Variants in LDB2 observed in about 807,000 individuals in gnomAD.
LDB2 encodes LIM domain binding 2.
A neutral mutation model predicts 44.3 loss-of-function variants in LDB2; 12 were observed. The ratio of observed to expected loss-of-function variants is 0.27; its 90% CI spans 0.17 to 0.44. LDB2 has a LOEUF of 0.44. Among genes scored for constraint, LDB2 ranks in the 20% least tolerant of loss-of-function variants. LDB2 has a pLI of 1.00. For synonymous variants in LDB2, 164 were observed against 174.8 expected, an observed-to-expected ratio of 0.94 and a Z score of 0.49; for missense variants, 344 against 473.5, an observed-to-expected ratio of 0.73 and a Z score of 2.54.
intron 5 of LDB2, among the ~76,000 whole-genome samples, chr4:16,540,519 G>T (rs138534552): frequency 6.6e-6 from 1 of 151,886 alleles, no homozygotes; most frequent in Admixed American, 6.6e-5. Flanking sequence ...CCCAACAACT[G>T]TCCCTTTCCA....
At chr4:16,689,303 C>A (rs561222654) in intron 2 of LDB2, among the ~76,000 whole-genome samples, 2 of 152,314 alleles carry the variant, frequency 1.3e-5, no homozygotes, top group South Asian at 4.2e-4. Flanking sequence ...CAGTTCCTAC[C>A]CTTGCCTAGT....
At chr4:16,627,776 T>C (rs1025526117) in intron 2 of LDB2, among the ~76,000 whole-genome samples, 1 of 152,166 alleles carries the variant, frequency 6.6e-6, no homozygotes. Context: ...AAATAGAACA[T>C]GAGAGAAGCG....
intron 1 of LDB2, among the ~76,000 whole-genome samples, chr4:16,811,881 T>C (rs945603981): frequency 6.6e-6 from 1 of 152,236 alleles, no homozygotes. Flanking sequence ...AGGACTATTA[T>C]ATTGTTCTGG....
intron 2 of LDB2, among the ~76,000 whole-genome samples, chr4:16,609,393 G>A (rs1316921869): frequency 6.6e-6 from 1 of 151,144 alleles, no homozygotes; most frequent in African/African-American, 2.4e-5. Flanking sequence ...TGCTGTCTAA[G>A]CCATTTGAGC....
chr4:16,573,886 C>T (rs1187109474), intron 5 of LDB2, among the ~76,000 whole-genome samples: 3 of 152,106 alleles, frequency 2.0e-5, no homozygotes, highest in African/African-American at 7.2e-5. Context: ...AATTGTAATG[C>T]CTTCTCCTGT....
intron 1 of LDB2, among the ~76,000 whole-genome samples, chr4:16,887,949 C>T (rs1311954248): frequency 1.3e-5 from 2 of 152,080 alleles, no homozygotes; most frequent in Non-Finnish European, 2.9e-5. Context: ...GCGTTACTAC[C>T]CATCCACCTG....
intron 1 of LDB2, among the ~76,000 whole-genome samples, chr4:16,884,266 C>T (rs568599453): frequency 2.6e-5 from 4 of 152,290 alleles, no homozygotes; most frequent in African/African-American, 9.6e-5. Flanking sequence ...TCATTAAATT[C>T]CCTAAAACAA....
intron 2 of LDB2, among the ~76,000 whole-genome samples, chr4:16,713,891 T>C (rs780644576): frequency 6.6e-6 from 1 of 152,220 alleles, no homozygotes; most frequent in Non-Finnish European, 1.5e-5. Context: ...GATTCCAGCT[T>C]TGCCATTGCA....
chr4:16,659,279 T>C (rs895666689), intron 2 of LDB2, among the ~76,000 whole-genome samples: 6 of 152,176 alleles, frequency 3.9e-5, no homozygotes, highest in Non-Finnish European at 7.3e-5. Flanking sequence ...TCCAGACATG[T>C]GTTTTTGCTT....
chr4:16,611,476 A>C (rs776955488), intron 2 of LDB2, among the ~76,000 whole-genome samples: 3 of 151,948 alleles, frequency 2.0e-5, no homozygotes, highest in Non-Finnish European at 4.4e-5. Flanking sequence ...CCCATCTTAC[A>C]TGCAAAGAAA....
intron 2 of LDB2, among the ~76,000 whole-genome samples, chr4:16,714,731 C>T (rs1444710677): frequency 1.3e-5 from 2 of 152,104 alleles, no homozygotes; most frequent in African/African-American, 4.8e-5. Flanking sequence ...AGCATCTGTT[C>T]CATACCGTTC....
rs1219775292 is a variant in LDB2, at chr4:16,749,572, AT to A, written c.235+9585del. On this transcript the variant is annotated intron_variant, in intron 2 of 7. Transcript: ENST00000304523. ...AGACTCCATCTCAAAAAAAAAAAAA[AT>A]AAAAAAATAAAAAAAAATATATATA... Among the ~76,000 whole-genome samples the A allele has an allele frequency of 2.3e-3, 319 of 136,778 alleles. 3 individuals carry two copies. Among genetic ancestry groups the A allele is most frequent in the African/African-American group, 8.6e-3 (293 of 33,890 alleles). 89.7% of individuals were successfully genotyped at this position (136,778 alleles called of 152,430 possible).
At chr4:16,571,776 T>A (rs1746618069) in intron 5 of LDB2, among the ~76,000 whole-genome samples, 1 of 152,198 alleles carries the variant, frequency 6.6e-6, no homozygotes, top group Non-Finnish European at 1.5e-5. Flanking sequence ...TCTTCTCCAT[T>A]GAGAGGTATG....
intron 1 of LDB2, among the ~76,000 whole-genome samples, chr4:16,794,932 C>T (rs1333255072): frequency 1.3e-5 from 2 of 152,198 alleles, no homozygotes; most frequent in African/African-American, 4.8e-5. Context: ...ATTGAGCACT[C>T]ATGGCCACGT....
intron 2 of LDB2, among the ~76,000 whole-genome samples, chr4:16,598,877 C>CTTTT (rs5856371): frequency 7.0e-6 from 1 of 143,780 alleles, no homozygotes; most frequent in Non-Finnish European, 1.5e-5. Flanking sequence ...TTCTTTCTTT[C>CTTTT]TTTTTTTTTT....
chr4:16,549,554 G>A (rs1736910570), intron 5 of LDB2, among the ~76,000 whole-genome samples: 1 of 152,154 alleles, frequency 6.6e-6, no homozygotes, highest in African/African-American at 2.4e-5. Context: ...TCTCCTGACT[G>A]GCCTTCCTAT....
chr4:16,620,381 T>C (rs1036809229), intron 2 of LDB2, among the ~76,000 whole-genome samples: 1 of 152,160 alleles, frequency 6.6e-6, no homozygotes, highest in Admixed American at 6.5e-5. Context: ...TATGACTCCT[T>C]AGAGTCTTAG....
chr4:16,772,341 A>T (rs958112775), intron 1 of LDB2, among the ~76,000 whole-genome samples: 3 of 152,342 alleles, frequency 2.0e-5, no homozygotes, highest in Non-Finnish European at 2.9e-5. Context: ...GAAGCCTGGC[A>T]TATAATAGGT....
intron 1 of LDB2, 96 bp downstream of exon 1, chr4:16,898,258 G>A: frequency 8.0e-7 from 1 of 1,255,880 alleles, no homozygotes; most frequent in Admixed American, 1.9e-5. Context: ...TATCAAGTGG[G>A]ACACTTCCCA....
Sources: gnomAD v4.1 joint callset for allele counts (sites outside exome capture counted in the v4.1 genomes callset) on GRCh38, gnomAD v4.1.1 for gene constraint, MANE v1.5 for transcripts, NCBI Gene and HGNC (gene_info 2026-07-23, HGNC 2026-07-21) for gene names.